DIDO1: variants seen among roughly 807,000 people sequenced by gnomAD.
DIDO1 encodes death-inducer obliterator 1.
Under a neutral mutation model 99.4 loss-of-function variants are expected in DIDO1, and 16 were observed. The ratio of observed to expected loss-of-function variants is 0.16; its 90% confidence interval spans 0.11 to 0.24. The LOEUF (loss-of-function observed/expected upper bound fraction) is 0.24. Ranked by LOEUF, DIDO1 falls within the 10% of genes least tolerant of loss-of-function variation. The probability of loss-of-function intolerance (pLI) is 1.00; values close to 1 mark genes in which losing one functional copy is unlikely to be tolerated. For missense variants in DIDO1, 2,996 were observed against 3,014.0 expected (o/e 0.99, Z 0.14); for synonymous variants, 1,366 against 1,239.1 (o/e 1.10, Z -2.15).
In DIDO1 at chr20:62,879,043, G is replaced by GT. The variant is rs1425791994; in HGVS notation, c.*189dup. 4 of 515,486 alleles carry GT rather than the reference G, an allele frequency of 7.8e-6. No homozygotes were observed. Among genetic ancestry groups the GT allele is most frequent in the African/African-American group, 4.0e-5 (2 of 50,090 alleles). 31.9% of individuals were successfully genotyped at this position (515,486 alleles called of 1,614,324 possible). A position where few individuals can be genotyped will look rare whatever the true frequency, so the allele number is the denominator to read the frequency against. ...TTTTAAATGGAAATATTAAAGTTTA[G>GT]TTTTTTTAAAAAAGCATCAGAATTG... On this transcript the variant is annotated 3_prime_UTR_variant, in exon 16 of 16. Transcript: ENST00000395343. This position sits in a 1 kb window ranked among gnomAD's most constrained non-coding sequence, Gnocchi z 6.3.
intron 15 of DIDO1, among the ~76,000 whole-genome samples, chr20:62,884,788 C>T (rs1193920126): frequency 1.3e-5 from 2 of 152,156 alleles, no homozygotes; most frequent in Admixed American, 6.5e-5. Context: ...CTGAGATTCC[C>T]AGCACCTCAC....
At position 62,905,953 on chromosome 20, in the gene DIDO1, C is replaced by T; in HGVS notation, c.1522G>A (p.Asp508Asn). The change falls in exon 6 of 16, where the codon GAT becomes AAT. Residue 508 changes from aspartate to asparagine, a missense_variant. Around this residue, in one of 5 missense-constraint regions of DIDO1, gnomAD observed 898 missense variants for 972.7 expected, o/e 0.92. Transcript: ENST00000395343. ...GGCTTTACTGCATTGTAATTGTGATCGCTCGCCCACGACGGCGTGCTGCTC... is the reference window on the plus strand; with the variant it reads ...GGCTTTACTGCATTGTAATTGTGATTGCTCGCCCACGACGGCGTGCTGCTC... ...CESSTPSWAS[D>N]HNYNAVKPEK... is the part of the protein sequence containing the mutation. The T allele has an allele frequency of 2.5e-6, 4 of 1,614,032 alleles. No homozygotes were observed. The highest frequency in any genetic ancestry group is 3.4e-6 in the Non-Finnish European group (4 of 1,180,028).
intron 6 of DIDO1, among the ~76,000 whole-genome samples, chr20:62,900,905 G>C (rs1057466296): frequency 6.6e-6 from 1 of 152,242 alleles, no homozygotes; most frequent in African/African-American, 2.4e-5. Flanking sequence ...AGTAAATTCT[G>C]TTCACTGTGA....
chr20:62,929,692 A>AAAAAAAAAAAATATATATATATATAT, upstream of DIDO1, among the ~76,000 whole-genome samples: 14 of 63,726 alleles, frequency 2.2e-4, no homozygotes, highest in African/African-American at 1.1e-3. Context: ...AAAAAGAAAA[A>AAAAAAAAAAAATATATATATATATAT]GTGTATATAT....
At chr20:62,890,920 G>GCAGGTC (rs1568838062) in intron 15 of DIDO1, 40 bp downstream of exon 15, 1 of 1,612,442 alleles carries the variant, frequency 6.2e-7, no homozygotes, top group African/African-American at 1.3e-5. Flanking sequence ...GGGTGCAGGT[G>GCAGGTC]CAGGTGGGCC....
upstream of DIDO1, among the ~76,000 whole-genome samples, chr20:62,930,537 C>T (rs145341129): frequency 4.4e-3 from 669 of 152,212 alleles, 8 homozygotes; most frequent in Non-Finnish European, 6.7e-3. Context: ...ACGTTCTATG[C>T]GGCATATGAG....
At position 62,896,964 on chromosome 20, in the gene DIDO1, C is replaced by T. The variant is rs2064547673; in HGVS notation, c.1621G>A (p.Ala541Thr). Residue 541 changes from alanine to threonine, a missense_variant, in exon 7 of 16, where the codon GCG becomes ACG. This residue lies in a region of DIDO1 where 898 missense variants were observed against 972.7 expected (regional missense o/e 0.92). Coordinates refer to ENST00000395343, the MANE Select transcript of DIDO1 (RefSeq NM_001193369.2). The surrounding 1 kb of genome is among the most constrained non-coding windows in gnomAD (Gnocchi z 4.4). ...TKEDRRSEEK[A>T]AAMAASKKTA... The stretch of plus-strand genomic sequence containing the variant: ...TTCTTTGAGGCTGCCATGGCTGCCG[C>T]TTTCTCCTCGGACCTCCTGTCTTCC... 6.2e-7 allele frequency: 1 copy of T among 1,613,674 alleles called. No homozygotes were observed. The highest frequency in any genetic ancestry group is 1.7e-5 in the Admixed American group (1 of 59,946).
chr20:62,907,427 G>A (rs1163802642), intron 4 of DIDO1, 68 bp from the exon 5 acceptor site: 1 of 1,481,846 alleles, frequency 6.7e-7, no homozygotes, highest in Non-Finnish European at 9.3e-7. Context: ...TGTGTGTTTT[G>A]TAAAATCACC....
chr20:62,878,932 C>A lies in DIDO1; in HGVS notation c.*301G>T. 2 of 283,612 alleles carry A rather than the reference C, an allele frequency of 7.1e-6. No individual in the cohort carries two copies. Among genetic ancestry groups the A allele is most frequent in the Non-Finnish European group, 1.3e-5 (2 of 154,786 alleles). 17.6% of individuals were successfully genotyped at this position (283,612 alleles called of 1,614,324 possible). ...TGGCTCTAGGGTCCAACGAAACTCCCTTAAAATTTACAATAAAGTTATTGG... is the reference window on the plus strand; with the variant it reads ...TGGCTCTAGGGTCCAACGAAACTCCATTAAAATTTACAATAAAGTTATTGG... On this transcript the variant is annotated 3_prime_UTR_variant, in exon 16 of 16. Coordinates refer to ENST00000395343, the MANE Select transcript of DIDO1 (RefSeq NM_001193369.2).
At chr20:62,887,458 T>TA in intron 15 of DIDO1, 1 of 985,476 alleles carries the variant, frequency 1.0e-6, no homozygotes, top group South Asian at 4.7e-5. Flanking sequence ...TTCTAATGTA[T>TA]AAAGACCTCA....
In DIDO1 at chr20:62,880,229, G is replaced by A; in HGVS notation, c.5727C>T (p.Pro1909=). The part of the protein sequence containing the change: ...QLKGPRGGPP[P]SQFGGQRGPP... ...GTCCTCTCTGACCTCCAAACTGAGA[G>A]GGAGGGGGGCCGCCTCGGGGGCCTT... Residue 1909 remains proline, a synonymous_variant, in exon 16 of 16, where the codon CCC becomes CCT. Transcript: ENST00000395343. The A allele has an allele frequency of 1.2e-6, 2 of 1,612,472 alleles. No individual in the cohort carries two copies. The highest frequency in any genetic ancestry group is 2.2e-5 in the East Asian group (1 of 44,852).
intron 15 of DIDO1, chr20:62,888,200 A>C (rs2064327542): frequency 1.0e-6 from 1 of 985,348 alleles, no homozygotes; most frequent in Non-Finnish European, 1.2e-6. Context: ...CGCTGTCAAA[A>C]CCCACTAGGT....
intron 6 of DIDO1, among the ~76,000 whole-genome samples, chr20:62,904,216 C>CT (rs1568859269): frequency 6.6e-6 from 1 of 151,782 alleles, no homozygotes; most frequent in East Asian, 1.9e-4. Flanking sequence ...ATTAAAAATC[C>CT]CTCTCTGCAT....
At chr20:62,926,222 C>T (rs1380174856) in intron 1 of DIDO1, among the ~76,000 whole-genome samples, 1 of 151,298 alleles carries the variant, frequency 6.6e-6, no homozygotes, top group African/African-American at 2.4e-5. Context: ...GGCCCGCGCC[C>T]CAGGCCGCGG....
chr20:62,885,602 A>G (rs2064284598), intron 15 of DIDO1, among the ~76,000 whole-genome samples: 1 of 152,210 alleles, frequency 6.6e-6, no homozygotes, highest in African/African-American at 2.4e-5. Context: ...TCTCAACTGC[A>G]AACACTGGTG....
chr20:62,908,510 C>T lies in DIDO1; in HGVS notation c.1162-1151G>A, dbSNP rs530321009. ...AACTCACGCACCACAAACAGCTTGA[C>T]CACTGCTGTTTACAAAGTCTGTCTC... is the stretch of plus-strand genomic sequence containing the variant. On this transcript the variant is annotated intron_variant, in intron 4 of 15. Transcript: ENST00000395343. 9.2e-5 allele frequency among the ~76,000 whole-genome samples: 14 copies of T among 152,332 alleles called. No individual in the cohort carries two copies. The South Asian group carries it at 2.3e-3, about 25-fold the overall frequency.
intron 15 of DIDO1, among the ~76,000 whole-genome samples, chr20:62,884,814 A>T (rs569581531): frequency 6.6e-6 from 1 of 151,160 alleles, no homozygotes; most frequent in Non-Finnish European, 1.5e-5. Flanking sequence ...CCTCCTCTTC[A>T]CTCTCTGTCC....
chr20:62,879,154 C>T lies in DIDO1; in HGVS notation c.*79G>A. ...GAATATTCTATCCTGAATCTAAGATCGTGGCTATTTCAAAAGCTATTTGTT... is the reference window on the plus strand; with the variant it reads ...GAATATTCTATCCTGAATCTAAGATTGTGGCTATTTCAAAAGCTATTTGTT... On this transcript the variant is annotated 3_prime_UTR_variant, in exon 16 of 16. Transcript: ENST00000395343. The surrounding 1 kb of genome is among the most constrained non-coding windows in gnomAD (Gnocchi z 6.3). 7.9e-7 allele frequency: 1 copy of T among 1,273,400 alleles called. No individual in the cohort carries two copies. The highest frequency in any genetic ancestry group is 1.0e-6 in the Non-Finnish European group (1 of 964,476). The allele number at this position is 1,273,400 out of a possible 1,614,324, so 78.9% of individuals were successfully genotyped here. A position where few individuals can be genotyped will look rare whatever the true frequency, so the allele number is the denominator to read the frequency against.
intron 15 of DIDO1, chr20:62,889,483 A>G (rs540565663): frequency 1.0e-6 from 1 of 985,330 alleles, no homozygotes; most frequent in Non-Finnish European, 1.2e-6. Context: ...TCTAAGAATC[A>G]TGTTTCTGTA....
Sources: allele counts gnomAD v4.1 joint callset (sites outside exome capture counted in the v4.1 genomes callset), GRCh38; gene constraint gnomAD v4.1.1; regional missense constraint gnomAD v4.1.1; non-coding constraint Gnocchi (gnomAD v3.1); transcripts MANE v1.5; gene names NCBI Gene and HGNC (gene_info 2026-07-23, HGNC 2026-07-21).